The following AIM2 variants were observed in gnomAD, a reference collection of about 807,000 sequenced individuals.
AIM2 encodes absent in melanoma 2.
In AIM2, 30 loss-of-function variants were observed where a neutral mutation model predicts 27.7. That is an observed-to-expected ratio of 1.08 (90% confidence interval 0.81 to 1.47). The LOEUF is 1.47. AIM2 is among the 40% of genes most tolerant of loss of function. The pLI is 0.00. For synonymous variants in AIM2, 141 were observed against 145.3 expected, an observed-to-expected ratio of 0.97 and a Z score of 0.21; for missense variants, 358 against 411.3, an observed-to-expected ratio of 0.87 and a Z score of 1.12.
chr1:159,058,732 T>C (rs1655734648), downstream of AIM2, among the ~76,000 whole-genome samples: 1 of 152,160 alleles, frequency 6.6e-6, no homozygotes, highest in Non-Finnish European at 1.5e-5. Context: ...GTGGGACTTT[T>C]CCTTATTTCA....
chr1:159,106,771 T>C (rs1417363253), intron 1 of AIM2, among the ~76,000 whole-genome samples: 1 of 152,256 alleles, frequency 6.6e-6, no homozygotes, highest in African/African-American at 2.4e-5. Flanking sequence ...ACCACAAGTG[T>C]GAAGGCTCTC....
chr1:159,077,482 G>A (rs1570950939), upstream of AIM2, among the ~76,000 whole-genome samples: 3 of 152,288 alleles, frequency 2.0e-5, no homozygotes, highest in South Asian at 2.1e-4. Flanking sequence ...CCAAGTTTTC[G>A]ACCATCTTGG....
chr1:159,135,899 T>A (rs1314311166), intron 1 of AIM2, among the ~76,000 whole-genome samples: 2 of 152,132 alleles, frequency 1.3e-5, no homozygotes, highest in East Asian at 3.9e-4. Flanking sequence ...AGGCATTTGT[T>A]TTTAGTCTAA....
intron 1 of AIM2, among the ~76,000 whole-genome samples, chr1:159,124,054 C>T (rs1647612681): frequency 6.6e-6 from 1 of 152,152 alleles, no homozygotes; most frequent in Non-Finnish European, 1.5e-5. Flanking sequence ...TTCTCACACC[C>T]CTAACTCCTT....
chr1:159,081,620 G>C (rs1656777914), upstream of AIM2: 1 of 386,942 alleles, frequency 2.6e-6, no homozygotes, highest in Non-Finnish European at 5.3e-6. Context: ...TAGCATCCAA[G>C]GGTCACCATA....
upstream of AIM2, among the ~76,000 whole-genome samples, chr1:159,143,386 G>A (rs995365147): frequency 2.0e-5 from 3 of 152,094 alleles, no homozygotes; most frequent in Non-Finnish European, 4.4e-5. Context: ...AAACAAGAAG[G>A]CACAGAATAG....
intron 1 of AIM2, among the ~76,000 whole-genome samples, chr1:159,108,795 GC>G (rs1227619274): frequency 2.0e-5 from 3 of 152,032 alleles, no homozygotes; most frequent in Admixed American, 6.6e-5. Flanking sequence ...CTTTACAACA[GC>G]TGCAAAATAA....
intron 1 of AIM2, among the ~76,000 whole-genome samples, chr1:159,120,013 T>C (rs1175988117): frequency 6.6e-6 from 1 of 152,182 alleles, no homozygotes; most frequent in African/African-American, 2.4e-5. Flanking sequence ...TAATCTTATG[T>C]TCATACTAAC....
At chr1:159,117,631 G>T (rs1647411658) in intron 1 of AIM2, among the ~76,000 whole-genome samples, 1 of 152,012 alleles carries the variant, frequency 6.6e-6, no homozygotes, top group African/African-American at 2.4e-5. Context: ...AATCATTCAG[G>T]CTCAGAGCTT....
chr1:159,127,388 G>A (rs980303266), intron 1 of AIM2, among the ~76,000 whole-genome samples: 5 of 152,100 alleles, frequency 3.3e-5, no homozygotes, highest in African/African-American at 1.2e-4. Flanking sequence ...GATCAGTGTC[G>A]GCCCTGACTA....
chr1:159,095,674 G>GA (rs201848875), intron 1 of AIM2, among the ~76,000 whole-genome samples: 58 of 149,994 alleles, frequency 3.9e-4, no homozygotes, highest in African/African-American at 1.2e-3. Flanking sequence ...GTCTTGAAGT[G>GA]AAAAAAAAAT....
At chr1:159,098,447 A>C (rs566220476) in intron 1 of AIM2, among the ~76,000 whole-genome samples, 2 of 151,798 alleles carry the variant, frequency 1.3e-5, no homozygotes, top group South Asian at 4.3e-4. Flanking sequence ...GTATTTCTTC[A>C]GTCATGCTAG....
chr1:159,094,096 TAAATG>T (rs2102011683), intron 1 of AIM2, among the ~76,000 whole-genome samples: 1 of 152,246 alleles, frequency 6.6e-6, no homozygotes, highest in East Asian at 1.9e-4. Context: ...TTATAAAACT[TAAATG>T]AAAAGCAGAG....
Position 159,100,412 on chromosome 1 carries a change from G to T in AIM2, c.-15-34083C>A, listed in dbSNP as rs563042100. Among the ~76,000 whole-genome samples, 6 of 152,130 alleles carry T rather than the reference G, an allele frequency of 3.9e-5. No individual in the cohort carries two copies. The East Asian group carries it at 1.2e-3, about 29-fold the overall frequency. On this transcript the variant is annotated intron_variant, in intron 1 of 2. Transcript: ENST00000368129. ...TGTAATGAATATTTTTGGTAGAAAAGAAGAAAAAGTAGGACCAAGGGAAAG... is the reference window on the plus strand; with the variant it reads ...TGTAATGAATATTTTTGGTAGAAAATAAGAAAAAGTAGGACCAAGGGAAAG...
At chr1:159,145,318 C>G (rs1648182477), upstream of AIM2, among the ~76,000 whole-genome samples, 1 of 152,156 alleles carries the variant, frequency 6.6e-6, no homozygotes, top group African/African-American at 2.4e-5. Flanking sequence ...GCCCCATATT[C>G]ATTTCTCCAT....
chr1:159,126,415 A>AG (rs1448658624), intron 1 of AIM2, among the ~76,000 whole-genome samples: 1 of 152,126 alleles, frequency 6.6e-6, no homozygotes, highest in African/African-American at 2.4e-5. Context: ...TGGGAGGCTG[A>AG]GGGGGGCGGA....
At chr1:159,056,226 G>T in the AIM2 span, among the ~76,000 whole-genome samples, 1 of 152,150 alleles carries the variant, frequency 6.6e-6, no homozygotes, top group East Asian at 1.9e-4. Context: ...TTCCCACCTG[G>T]CAGTTTGAAT....
At chr1:159,075,474 G>GCA (rs370196005) in intron 1 of AIM2, among the ~76,000 whole-genome samples, 15 of 149,858 alleles carry the variant, frequency 1.0e-4, no homozygotes, top group Admixed American at 5.3e-4. Context: ...ACACATCCGT[G>GCA]CACACACACA....
intron 4 of AIM2, 85 bp from the exon 5 acceptor site, chr1:159,063,759 G>T (rs1176424366): frequency 3.0e-6 from 4 of 1,342,572 alleles, no homozygotes; most frequent in Admixed American, 2.1e-5. Context: ...CCAGAAGAAG[G>T]CTCTAAAAAG....
Sources: gnomAD v4.1 joint callset for allele counts (sites outside exome capture counted in the v4.1 genomes callset) on GRCh38, gnomAD v4.1.1 for gene constraint, MANE v1.5 for transcripts, NCBI Gene and HGNC (gene_info 2026-07-23, HGNC 2026-07-21) for gene names.